ROBO2: variants seen among roughly 807,000 people sequenced by gnomAD.
ROBO2 encodes roundabout homolog 2.
Under a neutral mutation model 160.8 loss-of-function variants are expected in ROBO2, and 53 were observed. The observed-to-expected ratio is 0.33, with a 90% CI of 0.26 to 0.41. ROBO2 has a LOEUF of 0.41. Ranked by LOEUF, ROBO2 falls within the 10% of genes least tolerant of loss-of-function variation. The probability of loss-of-function intolerance (pLI) is 1.00; values close to 1 mark genes in which losing one functional copy is unlikely to be tolerated. For synonymous variants in ROBO2, 664 were observed against 611.7 expected (o/e 1.09, Z -1.26); for missense variants, 1,577 against 1,722.4 (o/e 0.92, Z 1.49).
intron 1 of ROBO2, among the ~76,000 whole-genome samples, chr3:75,926,748 A>G (rs535960675): frequency 1.2e-4 from 18 of 152,316 alleles, no homozygotes; most frequent in African/African-American, 4.1e-4. Context: ...TCAAAGAGCA[A>G]TATTTGAAAT....
intron 2 of ROBO2, among the ~76,000 whole-genome samples, chr3:76,452,803 T>C (rs2077543877): frequency 6.6e-6 from 1 of 151,406 alleles, no homozygotes; most frequent in African/African-American, 2.4e-5. Flanking sequence ...AGTGTAAAAG[T>C]GTTCCTATTT....
intron 2 of ROBO2, among the ~76,000 whole-genome samples, chr3:77,182,064 A>G (rs1307294605): frequency 6.6e-6 from 1 of 152,212 alleles, no homozygotes; most frequent in African/African-American, 2.4e-5. Flanking sequence ...TTCTTTGTAT[A>G]CAGTTGTTTC....
At chr3:76,727,283 T>C (rs2093566996) in intron 2 of ROBO2, among the ~76,000 whole-genome samples, 1 of 152,078 alleles carries the variant, frequency 6.6e-6, no homozygotes, top group South Asian at 2.1e-4. Context: ...AAAATGATCT[T>C]AAGTAAGGAA....
At chr3:76,744,653 C>T (rs548159640) in intron 2 of ROBO2, among the ~76,000 whole-genome samples, 4 of 152,154 alleles carry the variant, frequency 2.6e-5, no homozygotes, top group Admixed American at 6.5e-5. Flanking sequence ...TCAGCCACCA[C>T]GCCTGGCAAG....
chr3:77,164,429 A>C (rs1293717265), intron 2 of ROBO2, among the ~76,000 whole-genome samples: 39 of 110,830 alleles, frequency 3.5e-4, no homozygotes, highest in African/African-American at 1.3e-3. Flanking sequence ...CCCGTCCGGG[A>C]GGGAGGTGGG....
At chr3:77,357,901 C>T (rs999750090) in intron 2 of ROBO2, among the ~76,000 whole-genome samples, 4 of 152,126 alleles carry the variant, frequency 2.6e-5, no homozygotes, top group African/African-American at 9.7e-5. Context: ...AGAATTAAAC[C>T]TTGAAAGATC....
At chr3:76,760,394 C>G (rs1174710414) in intron 2 of ROBO2, among the ~76,000 whole-genome samples, 1 of 151,556 alleles carries the variant, frequency 6.6e-6, no homozygotes, top group African/African-American at 2.4e-5. Flanking sequence ...AAATAAATAT[C>G]TGGTTTTAAA....
At chr3:76,049,467 C>T (rs2067581633) in intron 2 of ROBO2, among the ~76,000 whole-genome samples, 1 of 133,282 alleles carries the variant, frequency 7.5e-6, no homozygotes, top group African/African-American at 2.9e-5. Flanking sequence ...TGACCTCAAA[C>T]TCCTGGACTC....
intron 2 of ROBO2, among the ~76,000 whole-genome samples, chr3:76,372,697 G>C (rs1376520270): frequency 6.6e-6 from 1 of 151,884 alleles, no homozygotes; most frequent in East Asian, 1.9e-4. Flanking sequence ...GGTCGTCATG[G>C]GAGTGGGATG....
intron 2 of ROBO2, among the ~76,000 whole-genome samples, chr3:75,972,649 A>T (rs1291081544): frequency 2.0e-5 from 3 of 151,696 alleles, no homozygotes; most frequent in Non-Finnish European, 4.4e-5. Flanking sequence ...TAGATCATTG[A>T]TTCTCAAAGA....
chr3:75,950,989 T>A (rs1042648882), intron 2 of ROBO2, among the ~76,000 whole-genome samples: 3 of 152,090 alleles, frequency 2.0e-5, no homozygotes, highest in Non-Finnish European at 4.4e-5. Context: ...TCAAATTCAT[T>A]TCAGCATTTA....
chr3:76,692,219 C>G lies in ROBO2; in HGVS notation c.110-405795C>G, dbSNP rs79258237. On this transcript the variant is annotated intron_variant, in intron 2 of 26. Coordinates refer to the ROBO2 transcript ENST00000487694. ...GGGGCAGCAGGTGCTTGAGGTCACT[C>G]AGAATGCTGCCACACTCTGGCCATA... 7.9e-3 allele frequency among the ~76,000 whole-genome samples: 1,209 copies of G among 152,278 alleles called. 21 individuals carry two copies. The highest frequency in any genetic ancestry group is 0.028 in the African/African-American group (1,158 of 41,562).
intron 2 of ROBO2, among the ~76,000 whole-genome samples, chr3:76,335,291 C>T (rs981703430): frequency 6.8e-6 from 1 of 146,536 alleles, no homozygotes; most frequent in Non-Finnish European, 1.5e-5. Flanking sequence ...AGCAATTCTC[C>T]TGCCTCAGCC....
chr3:76,083,299 T>C (rs935374215), intron 2 of ROBO2, among the ~76,000 whole-genome samples: 2 of 152,134 alleles, frequency 1.3e-5, no homozygotes, highest in Non-Finnish European at 2.9e-5. Flanking sequence ...CATAAGGATA[T>C]AAATACTGCA....
At chr3:77,119,442 A>G (rs1267084854) in intron 2 of ROBO2, among the ~76,000 whole-genome samples, 1 of 152,212 alleles carries the variant, frequency 6.6e-6, no homozygotes, top group African/African-American at 2.4e-5. Flanking sequence ...ATGACTGTAT[A>G]TTATTTTAGC....
intron 2 of ROBO2, among the ~76,000 whole-genome samples, chr3:76,041,005 C>T (rs532573862): frequency 1.3e-5 from 2 of 151,984 alleles, no homozygotes; most frequent in Non-Finnish European, 2.9e-5. Context: ...CAAAATGAAA[C>T]TTTCTCTCAT....
intron 4 of ROBO2, among the ~76,000 whole-genome samples, chr3:77,492,615 G>C (rs551207975): frequency 6.6e-6 from 1 of 151,978 alleles, no homozygotes; most frequent in Admixed American, 6.5e-5. Context: ...TCAAAAAATT[G>C]ATAAATAAAT....
At chr3:76,085,110 T>TACACACACACAC (rs879918403) in intron 2 of ROBO2, among the ~76,000 whole-genome samples, 1 of 144,002 alleles carries the variant, frequency 6.9e-6, no homozygotes, top group East Asian at 1.9e-4. Context: ...TACATATATA[T>TACACACACACAC]ATATATACAC....
chr3:76,606,627 A>G (rs2087679173), intron 2 of ROBO2, among the ~76,000 whole-genome samples: 1 of 152,154 alleles, frequency 6.6e-6, no homozygotes, highest in African/African-American at 2.4e-5. Flanking sequence ...TATTACAGTA[A>G]TATTAACTTA....
Sources: allele counts gnomAD v4.1 joint callset (sites outside exome capture counted in the v4.1 genomes callset), GRCh38; gene constraint gnomAD v4.1.1; transcripts MANE v1.5; gene names NCBI Gene and HGNC (gene_info 2026-07-23, HGNC 2026-07-21).